The following FBXO47 variants were observed in gnomAD, a reference collection of about 807,000 sequenced individuals.
FBXO47 encodes F-box only protein 47.
In FBXO47, 34 loss-of-function variants were observed where a neutral mutation model predicts 53.9. That is an observed-to-expected ratio of 0.63 (90% CI 0.48 to 0.84). The LOEUF (loss-of-function observed/expected upper bound fraction) is 0.84, where lower values mean the gene tolerates loss of function less well. Among genes scored for constraint, FBXO47 ranks in the 40% least tolerant of loss-of-function variants. FBXO47 has a pLI of 0.00. For synonymous variants in FBXO47, 165 were observed against 181.6 expected, an observed-to-expected ratio of 0.91 and a Z score of 0.73; for missense variants, 485 against 541.3, an observed-to-expected ratio of 0.90 and a Z score of 1.03.
At position 38,951,730 on chromosome 17, in the gene FBXO47, C is replaced by T. The variant is rs763166281; in HGVS notation, c.508-41G>A. On this transcript the variant is annotated intron_variant, in intron 5 of 10. Transcript: ENST00000378079. ...AAAACATTGTGGATATTCAGACTAT[C>T]AAGTCAAAACATAAGTCACACCAGG... 3 of 1,446,966 alleles carry T rather than the reference C, an allele frequency of 2.1e-6. No homozygotes were observed. The South Asian group carries it at 3.5e-5, about 17-fold the overall frequency. The allele number at this position is 1,446,966 out of a possible 1,614,324, so 89.6% of individuals were successfully genotyped here. A position where few individuals can be genotyped will look rare whatever the true frequency, so the allele number is the denominator to read the frequency against.
intron 3 of FBXO47, among the ~76,000 whole-genome samples, chr17:38,957,637 A>G (rs749330560): frequency 1.3e-4 from 20 of 152,142 alleles, no homozygotes; most frequent in Non-Finnish European, 2.6e-4. Context: ...CATGTCCACA[A>G]AGGAATATGT....
At chr17:38,965,402 A>G (rs1906051718) in intron 1 of FBXO47, among the ~76,000 whole-genome samples, 1 of 152,188 alleles carries the variant, frequency 6.6e-6, no homozygotes, top group African/African-American at 2.4e-5. Context: ...ATACATCTTG[A>G]AATGTTACAT....
At chr17:38,947,481 A>G (rs1905003892) in intron 6 of FBXO47, among the ~76,000 whole-genome samples, 1 of 151,856 alleles carries the variant, frequency 6.6e-6, no homozygotes, top group African/African-American at 2.4e-5. Flanking sequence ...GGCTAATTTT[A>G]TTTTTTGTAG....
At chr17:38,951,445 T>A (rs899739658) in intron 6 of FBXO47, 136 bp downstream of exon 6, 1 of 580,554 alleles carries the variant, frequency 1.7e-6, no homozygotes, top group African/African-American at 1.9e-5. Context: ...CCTCCCACCT[T>A]GGCTTCCCAA....
intron 6 of FBXO47, among the ~76,000 whole-genome samples, chr17:38,946,923 T>C (rs1344718570): frequency 8.2e-6 from 1 of 121,542 alleles, no homozygotes; most frequent in Non-Finnish European, 1.6e-5. Context: ...TAAACATATA[T>C]AAACATATAA....
intron 5 of FBXO47, among the ~76,000 whole-genome samples, chr17:38,953,042 CG>C (rs1202067064): frequency 1.3e-5 from 2 of 149,146 alleles, no homozygotes; most frequent in African/African-American, 4.9e-5. Context: ...TTTGGGAGGC[CG>C]AGGCAAATGG....
At position 38,964,499 on chromosome 17, in the gene FBXO47, A is replaced by G. The variant is rs185040872; in HGVS notation, c.-26-1448T>C. ...TAATCCCAGCTACTTGGGAGACTGA[A>G]GCAGGAAAATTGCTGGAACCTGGGA... is the stretch of plus-strand genomic sequence containing the variant. On this transcript the variant is annotated intron_variant, in intron 1 of 10. Coordinates refer to ENST00000378079, the MANE Select transcript of FBXO47 (RefSeq NM_001008777.3). Among the ~76,000 whole-genome samples the G allele has an allele frequency of 3.2e-3, 485 of 152,066 alleles. 4 individuals carry two copies. The highest frequency in any genetic ancestry group is 0.011 in the African/African-American group (454 of 41,510).
At chr17:38,954,596 CAGG>C (rs1380778799) in intron 5 of FBXO47, among the ~76,000 whole-genome samples, 3 of 151,980 alleles carry the variant, frequency 2.0e-5, no homozygotes, top group Middle Eastern at 3.2e-3. Context: ...ACCAATTCTT[CAGG>C]AGGAGTAACC....
Position 38,962,861 on chromosome 17 carries a change from A to C in FBXO47, c.165T>G (p.Ile55Met). Reference sequence around the variant, plus strand: ...AAACCTCACCTGACAAATATTTTAAAATTATCTGGAATATTTCCAATGGTA... The same window carrying C: ...AAACCTCACCTGACAAATATTTTAACATTATCTGGAATATTTCCAATGGTA... ...KALPLEIFQI[I>M]LKYLSVKDIS... Residue 55 changes from isoleucine (I) to methionine (M), a missense_variant, in exon 2 of 11, where the codon ATT becomes ATG. Physicochemically the swap from Ile to Met is conservative, Grantham distance 10 (BLOSUM62 1). Transcript: ENST00000378079. The C allele has an allele frequency of 6.2e-7, 1 of 1,610,688 alleles. No individual in the cohort carries two copies. Among genetic ancestry groups the C allele is most frequent in the African/African-American group, 1.3e-5 (1 of 74,854 alleles).
intron 5 of FBXO47, among the ~76,000 whole-genome samples, chr17:38,954,109 A>G (rs528469623): frequency 6.6e-6 from 1 of 152,130 alleles, no homozygotes; most frequent in Non-Finnish European, 1.5e-5. Context: ...CCTGACCAAC[A>G]TGGTGAAACC....
At chr17:38,964,014 C>T (rs1478159403) in intron 1 of FBXO47, among the ~76,000 whole-genome samples, 3 of 151,802 alleles carry the variant, frequency 2.0e-5, no homozygotes, top group Non-Finnish European at 4.4e-5. Context: ...GCCTGTGTTG[C>T]CCAACCTGGT....
chr17:38,946,179 TATATAA>T, intron 6 of FBXO47, among the ~76,000 whole-genome samples: 1 of 113,934 alleles, frequency 8.8e-6, no homozygotes, highest in African/African-American at 3.5e-5. Flanking sequence ...TATAAAAATA[TATATAA>T]ATATATAAAA....
chr17:38,939,323 A>AAT (rs1555559725), intron 9 of FBXO47, among the ~76,000 whole-genome samples: 4,408 of 49,780 alleles, frequency 0.089, 346 homozygotes, highest in Middle Eastern at 0.17. Flanking sequence ...AAAAAAAAAA[A>AAT]ATATATATAT....
intron 7 of FBXO47, among the ~76,000 whole-genome samples, 168 bp from the exon 8 acceptor site, chr17:38,943,904 G>C (rs867994264): frequency 2.6e-5 from 4 of 152,200 alleles, no homozygotes; most frequent in Middle Eastern, 3.4e-3. Flanking sequence ...AGATTTGAAC[G>C]TCTCTGGCCG....
intron 5 of FBXO47, 73 bp from the exon 6 acceptor site, chr17:38,951,762 GGC>G: frequency 8.7e-7 from 1 of 1,143,544 alleles, no homozygotes; most frequent in Non-Finnish European, 1.3e-6. Context: ...CAGGCATGGT[GGC>G]TCACGCCTGT....
At chr17:38,943,305 G>A (rs564486219) in intron 8 of FBXO47, among the ~76,000 whole-genome samples, 37 of 152,100 alleles carry the variant, frequency 2.4e-4, no homozygotes, top group Non-Finnish European at 3.7e-4. Context: ...CTAGGAGGGT[G>A]TTTCTGAGAA....
chr17:38,963,246 C>T (rs1290212696), intron 1 of FBXO47, among the ~76,000 whole-genome samples, 195 bp from the exon 2 acceptor site: 2 of 151,448 alleles, frequency 1.3e-5, no homozygotes, highest in Non-Finnish European at 2.9e-5. Context: ...GGCGTAATCT[C>T]GGCTCACTGC....
chr17:38,951,914 C>T (rs1247414863), intron 5 of FBXO47, among the ~76,000 whole-genome samples: 2 of 152,106 alleles, frequency 1.3e-5, no homozygotes, highest in Admixed American at 6.6e-5. Flanking sequence ...CCTGTAATCC[C>T]AGCTACTCGA....
chr17:38,957,216 G>C lies in FBXO47; in HGVS notation c.390C>G (p.Thr130=). 1 of 1,611,788 alleles carries C rather than the reference G, an allele frequency of 6.2e-7. No homozygotes were observed. The highest frequency in any genetic ancestry group is 8.5e-7 in the Non-Finnish European group (1 of 1,178,422). Residue 130 remains threonine, a synonymous_variant, in exon 4 of 11, where the codon ACC becomes ACG. Transcript: ENST00000378079. ...LFKRCTLLLP[T]KERLKYIHKI... ...TGTGAATGTATTTTAGCCTTTCCTT[G>C]GTGGGTAGCAGCAATGTGCATCTTT...
Sources: allele counts gnomAD v4.1 joint callset (sites outside exome capture counted in the v4.1 genomes callset), GRCh38; gene constraint gnomAD v4.1.1; transcripts MANE v1.5; gene names NCBI Gene and HGNC (gene_info 2026-07-23, HGNC 2026-07-21).